Variants in CADPS observed in about 807,000 individuals in gnomAD.
CADPS encodes calcium-dependent secretion activator 1.
In CADPS, 57 loss-of-function variants were observed where a neutral mutation model predicts 167.3. The observed-to-expected ratio is 0.34, with a 90% CI of 0.28 to 0.42. CADPS has a LOEUF of 0.42. CADPS is among the 20% of genes least tolerant of loss of function. CADPS has a pLI of 1.00. For missense variants in CADPS, 1,414 were observed against 1,738.1 expected, an observed-to-expected ratio of 0.81 and a Z score of 3.32; for synonymous variants, 676 against 635.3, an observed-to-expected ratio of 1.06 and a Z score of -0.96.
At chr3:62,664,562 T>C (rs2074055451) in intron 3 of CADPS, among the ~76,000 whole-genome samples, 1 of 152,338 alleles carries the variant, frequency 6.6e-6, no homozygotes, top group African/African-American at 2.4e-5. Context: ...CAAAAGTTCT[T>C]CAGCTCTAAG....
intron 23 of CADPS, among the ~76,000 whole-genome samples, chr3:62,475,476 G>A (rs962419406): frequency 1.2e-4 from 18 of 149,192 alleles, no homozygotes; most frequent in African/African-American, 3.9e-4. Flanking sequence ...GTGCATAGGA[G>A]GACCACACAG....
intron 3 of CADPS, among the ~76,000 whole-genome samples, chr3:62,674,258 C>T (rs533102179): frequency 2.6e-5 from 4 of 152,220 alleles, no homozygotes; most frequent in South Asian, 2.1e-4. Context: ...TAAATTAAAA[C>T]CTTTCCAGGG....
chr3:62,413,818 G>A (rs940255092), intron 28 of CADPS, among the ~76,000 whole-genome samples: 1 of 151,728 alleles, frequency 6.6e-6, no homozygotes, highest in East Asian at 1.9e-4. Context: ...TACTTAAAAC[G>A]AAACTTTGCC....
chr3:62,788,949 A>G (rs1250148069), intron 1 of CADPS, among the ~76,000 whole-genome samples: 2 of 152,204 alleles, frequency 1.3e-5, no homozygotes, highest in Non-Finnish European at 2.9e-5. Context: ...TGAGGCTCCA[A>G]TATTAATCTG....
chr3:62,474,170 TACCTC>T lies in CADPS; in HGVS notation c.3475_3477+2del. On this transcript the variant is annotated splice_donor_variant and coding_sequence_variant, in exon 24 of 30. Coordinates refer to ENST00000383710, the MANE Select transcript of CADPS (RefSeq NM_003716.4). LOFTEE classifies it high-confidence loss of function. ...AAATCTGTATTTTTTTTTTTTTTTT[TACCTC>T]TTGGCCCATTTCCATGCTGCAAAGT... The T allele has an allele frequency of 6.8e-7, 1 of 1,475,400 alleles. No individual in the cohort carries two copies. Among genetic ancestry groups the T allele is most frequent in the Non-Finnish European group, 9.0e-7 (1 of 1,105,888 alleles). 91.4% of individuals were successfully genotyped at this position (1,475,400 alleles called of 1,614,324 possible).
At chr3:62,853,810 G>C (rs2079111752) in intron 1 of CADPS, among the ~76,000 whole-genome samples, 1 of 151,736 alleles carries the variant, frequency 6.6e-6, no homozygotes, top group Non-Finnish European at 1.5e-5. Flanking sequence ...AAAGTACTTA[G>C]CCAGGTGTGG....
intron 26 of CADPS, among the ~76,000 whole-genome samples, chr3:62,451,918 G>T (rs2058107378): frequency 6.6e-6 from 1 of 152,224 alleles, no homozygotes; most frequent in African/African-American, 2.4e-5. Flanking sequence ...TCAGTGCCAT[G>T]CCTAAAATCA....
chr3:62,835,971 A>G (rs1010191953), intron 1 of CADPS, among the ~76,000 whole-genome samples: 1 of 152,154 alleles, frequency 6.6e-6, no homozygotes, highest in Non-Finnish European at 1.5e-5. Flanking sequence ...TCCCTTATTT[A>G]TCTACAACTG....
At chr3:62,772,176 T>C (rs2089026628) in intron 1 of CADPS, among the ~76,000 whole-genome samples, 1 of 152,224 alleles carries the variant, frequency 6.6e-6, no homozygotes, top group Admixed American at 6.5e-5. Flanking sequence ...TATTATTTTT[T>C]TCCCTATCAT....
chr3:62,700,548 A>G (rs2081200232), intron 3 of CADPS, among the ~76,000 whole-genome samples: 1 of 152,110 alleles, frequency 6.6e-6, no homozygotes, highest in Non-Finnish European at 1.5e-5. Context: ...TGTACATTTT[A>G]TAGGGAGGAA....
In CADPS at chr3:62,438,574, C is replaced by T. The variant is rs185429774; in HGVS notation, c.3670-363G>A. ...AAACCTGCATTAAAGAATATCCAAACATACTGTTTTCCACTGTCCTTAATA... is the reference window on the plus strand; with the variant it reads ...AAACCTGCATTAAAGAATATCCAAATATACTGTTTTCCACTGTCCTTAATA... On this transcript the variant is annotated intron_variant, in intron 27 of 29. Transcript: ENST00000383710. This position sits in a 1 kb window ranked among gnomAD's most constrained non-coding sequence, Gnocchi z 4.7. The T allele has an allele frequency of 6.4e-5, 13 of 201,860 alleles. No individual in the cohort carries two copies. Among genetic ancestry groups the T allele is most frequent in the Middle Eastern group, 2.0e-3 (1 of 502 alleles). 12.5% of individuals were successfully genotyped at this position (201,860 alleles called of 1,614,324 possible).
rs2152421923 is a variant in CADPS, at chr3:62,753,822, G to T, written c.556-49C>A. 6.5e-7 allele frequency: 1 copy of T among 1,535,760 alleles called. No homozygotes were observed. Among genetic ancestry groups the T allele is most frequent in the Non-Finnish European group, 8.8e-7 (1 of 1,131,742 alleles). ...AGACAGTAGGAGAGTTTACCACAGA[G>T]GTACCAGTTCCCTGGGGCTGGACAC... On this transcript the variant is annotated intron_variant, in intron 2 of 29. Transcript: ENST00000383710. This position sits in a 1 kb window ranked among gnomAD's most constrained non-coding sequence, Gnocchi z 4.6.
intron 1 of CADPS, chr3:62,779,264 G>A: frequency 2.9e-6 from 1 of 348,824 alleles, no homozygotes; most frequent in Non-Finnish European, 5.8e-6. Flanking sequence ...ACTGCCTTCT[G>A]GCCTTTTGCT....
At chr3:62,444,058 C>T (rs1476660867) in intron 27 of CADPS, among the ~76,000 whole-genome samples, 1 of 152,142 alleles carries the variant, frequency 6.6e-6, no homozygotes, top group Non-Finnish European at 1.5e-5. Flanking sequence ...TCTAACATAA[C>T]CTGATGTTAG....
chr3:62,734,730 T>C (rs1301269216), intron 3 of CADPS, among the ~76,000 whole-genome samples: 1 of 152,196 alleles, frequency 6.6e-6, no homozygotes, highest in Non-Finnish European at 1.5e-5. Context: ...TTTAGTTTTA[T>C]TCTAACTTTA....
intron 3 of CADPS, among the ~76,000 whole-genome samples, chr3:62,682,658 AAAAG>A (rs1217842455): frequency 6.6e-6 from 1 of 152,084 alleles, no homozygotes; most frequent in Non-Finnish European, 1.5e-5. Context: ...CCAGTTTCTA[AAAAG>A]GATGGTACCA....
At chr3:62,677,640 T>TA in intron 3 of CADPS, among the ~76,000 whole-genome samples, 1 of 152,234 alleles carries the variant, frequency 6.6e-6, no homozygotes, top group African/African-American at 2.4e-5. Context: ...AACCCTGCTG[T>TA]AAATGCTGAT....
intron 6 of CADPS, among the ~76,000 whole-genome samples, chr3:62,599,737 A>G (rs1345026210): frequency 2.3e-5 from 1 of 43,662 alleles, no homozygotes; most frequent in African/African-American, 1.2e-4. Context: ...AGTATATATA[A>G]TATATATAAT....
intron 28 of CADPS, among the ~76,000 whole-genome samples, chr3:62,407,613 G>A (rs888112968): frequency 2.0e-5 from 3 of 152,200 alleles, no homozygotes; most frequent in African/African-American, 7.2e-5. Flanking sequence ...ATTACTGTGA[G>A]CATTAAAAGA....
Sources: allele counts gnomAD v4.1 joint callset (sites outside exome capture counted in the v4.1 genomes callset), GRCh38; gene constraint gnomAD v4.1.1; non-coding constraint Gnocchi (gnomAD v3.1); transcripts MANE v1.5; gene names NCBI Gene and HGNC (gene_info 2026-07-23, HGNC 2026-07-21).